The following RALGDS variants were observed in gnomAD, a reference collection of about 807,000 sequenced individuals.
RALGDS encodes the protein ral guanine nucleotide exchange factor.
A neutral mutation model predicts 99.8 loss-of-function variants in RALGDS; 44 were observed. The observed-to-expected ratio is 0.44, with a 90% CI of 0.35 to 0.57. The LOEUF is 0.57. Among genes scored for constraint, RALGDS ranks in the 20% least tolerant of loss-of-function variants. The probability of loss-of-function intolerance (pLI) is 0.01; values close to 1 mark genes in which losing one functional copy is unlikely to be tolerated. For missense variants in RALGDS, 1,022 were observed against 1,203.1 expected, an observed-to-expected ratio of 0.85 and a Z score of 2.23; for synonymous variants, 529 against 505.0, an observed-to-expected ratio of 1.05 and a Z score of -0.64.
Position 133,101,932 on chromosome 9 carries a change from A to G in RALGDS, c.2211+6T>C. On this transcript the variant is annotated splice_donor_region_variant and intron_variant, in intron 15 of 17. Transcript: ENST00000372050. ...AAGGATATTGGGGAGAAGGGCAGGC[A>G]GTCACCTTCTTTTCCTGGCCATCAG... 2 of 1,551,020 alleles carry G rather than the reference A, an allele frequency of 1.3e-6. No homozygotes were observed. The highest frequency in any genetic ancestry group is 1.7e-6 in the Non-Finnish European group (2 of 1,147,020).
chr9:133,119,472 C>T (rs1831795998), intron 1 of RALGDS, among the ~76,000 whole-genome samples: 3 of 152,122 alleles, frequency 2.0e-5, no homozygotes, highest in African/African-American at 4.8e-5. Context: ...GGGCAAGGAG[C>T]GCCAGGGCCA....
intron 5 of RALGDS, 94 bp from the exon 6 acceptor site, chr9:133,108,500 C>A (rs1831183339): frequency 6.9e-7 from 1 of 1,444,340 alleles, no homozygotes; most frequent in Non-Finnish European, 9.4e-7. Flanking sequence ...GCCTCTCTCC[C>A]CGAACCCACA....
intron 4 of RALGDS, among the ~76,000 whole-genome samples, chr9:133,109,382 T>C (rs1440045924): frequency 6.6e-6 from 1 of 152,132 alleles, no homozygotes; most frequent in Non-Finnish European, 1.5e-5. Context: ...GATGAGGCTA[T>C]GGTGGGATGA....
chr9:133,100,735 G>A (rs929883032), intron 16 of RALGDS: 13 of 1,188,978 alleles, frequency 1.1e-5, no homozygotes, highest in Non-Finnish European at 1.4e-5. Flanking sequence ...ACAGTCCCTA[G>A]TCCAAGCCCT....
At chr9:133,125,022 C>T (rs890792175), upstream of RALGDS, among the ~76,000 whole-genome samples, 2 of 152,200 alleles carry the variant, frequency 1.3e-5, no homozygotes, top group African/African-American at 2.4e-5. Flanking sequence ...AACCCAGTTT[C>T]TTCAACAAAT....
At chr9:133,116,738 C>T (rs1000347967) in intron 1 of RALGDS, among the ~76,000 whole-genome samples, 4 of 152,270 alleles carry the variant, frequency 2.6e-5, no homozygotes, top group East Asian at 1.9e-4. Flanking sequence ...ATCCTCCTAA[C>T]GCCCTGCCTG....
chr9:133,146,482 G>A (rs541935571), intron 1 of RALGDS, among the ~76,000 whole-genome samples: 95 of 152,228 alleles, frequency 6.2e-4, no homozygotes, highest in African/African-American at 9.9e-4. Context: ...GTGAGCCACC[G>A]CGCCCAGCCT....
chr9:133,139,951 C>T (rs1832491786), intron 1 of RALGDS, among the ~76,000 whole-genome samples: 3 of 152,194 alleles, frequency 2.0e-5, no homozygotes, highest in Admixed American at 6.5e-5. Flanking sequence ...GGCTCCCATC[C>T]CACCTCCCAG....
Position 133,110,365 on chromosome 9 carries a change from A to ACGTAGGAGAGGT in RALGDS, c.407_418dup (p.Asp136_Tyr139dup). Reference sequence around the variant, plus strand: ...TCTATAGGTACACAGGAAGATGGTGACGTAGGAGAGGTCGCTGCCCTGGAA... The same window carrying ACGTAGGAGAGGT: ...TCTATAGGTACACAGGAAGATGGTGACGTAGGAGAGGTCGTAGGAGAGGTCGCTGCCCTGGAA... On this transcript the variant is annotated inframe_insertion, in exon 3 of 18. Coordinates refer to ENST00000372050, the MANE Select transcript of RALGDS (RefSeq NM_006266.4). 1 of 1,613,818 alleles carries ACGTAGGAGAGGT rather than the reference A, an allele frequency of 6.2e-7. No homozygotes were observed. The highest frequency in any genetic ancestry group is 8.5e-7 in the Non-Finnish European group (1 of 1,179,972).
intron 9 of RALGDS, among the ~76,000 whole-genome samples, chr9:133,105,687 T>G (rs1830983022): frequency 6.6e-6 from 1 of 152,140 alleles, no homozygotes; most frequent in African/African-American, 2.4e-5. Flanking sequence ...GAACCTCCAC[T>G]GCTACCCTTA....
intron 1 of RALGDS, 30 bp from the exon 2 acceptor site, chr9:133,112,182 C>A (rs552607053): frequency 1.7e-5 from 26 of 1,489,352 alleles, no homozygotes; most frequent in Non-Finnish European, 2.3e-5. Context: ...CAGCCGGGCG[C>A]GGGGACGTCA....
intron 1 of RALGDS, among the ~76,000 whole-genome samples, chr9:133,127,134 G>A (rs797015014): frequency 5.3e-5 from 8 of 152,238 alleles, no homozygotes; most frequent in African/African-American, 1.4e-4. Flanking sequence ...ATCCTTGGCC[G>A]GTACCTGAGA....
rs1008384796 is a variant in RALGDS at position 133,098,023 on chromosome 9, G to A, written c.*564C>T. The A allele has an allele frequency of 5.9e-5, 15 of 254,842 alleles. No individual in the cohort carries two copies. Among genetic ancestry groups the A allele is most frequent in the African/African-American group, 2.6e-4 (12 of 45,702 alleles). The allele number at this position is 254,842 out of a possible 1,614,324, so 15.8% of individuals were successfully genotyped here. On this transcript the variant is annotated 3_prime_UTR_variant, in exon 18 of 18. Transcript: ENST00000372050. ...GGGTGCAGAGTCTGGTCCATGAAGA[G>A]GGTTTCTCTCTCTGCTCCCAGGGGA...
At chr9:133,145,968 T>G (rs1156273426) in intron 1 of RALGDS, among the ~76,000 whole-genome samples, 1 of 152,178 alleles carries the variant, frequency 6.6e-6, no homozygotes, top group Non-Finnish European at 1.5e-5. Flanking sequence ...GGAAAGAAAC[T>G]TCTCACAGGG....
Position 133,106,935 on chromosome 9 carries a change from CGTG to C in RALGDS, c.1413+147_1413+149del. On this transcript the variant is annotated intron_variant, in intron 7 of 17. Transcript: ENST00000372050. ...ACCCAAGGAAAGAGTGTAAGGAAGA[CGTG>C]AGCATCCAGGCAGTGGGCTGGGAGA... 4 of 955,170 alleles carry C rather than the reference CGTG, an allele frequency of 4.2e-6. No individual in the cohort carries two copies. In the African/African-American group the frequency reaches 5.5e-5, roughly 13 times the overall value. The allele number at this position is 955,170 out of a possible 1,614,324, so 59.2% of individuals were successfully genotyped here. A position where few individuals can be genotyped will look rare whatever the true frequency, so the allele number is the denominator to read the frequency against.
upstream of RALGDS, among the ~76,000 whole-genome samples, chr9:133,124,826 C>T (rs1369755319): frequency 6.6e-6 from 1 of 152,234 alleles, no homozygotes; most frequent in East Asian, 1.9e-4. Flanking sequence ...CCTGGGACAG[C>T]GTGTGTCACC....
chr9:133,125,833 G>C (rs1231855764), upstream of RALGDS, among the ~76,000 whole-genome samples: 5 of 152,086 alleles, frequency 3.3e-5, no homozygotes, highest in Non-Finnish European at 7.4e-5. Flanking sequence ...TCTGACCCCG[G>C]GCAGTGACTC....
chr9:133,131,018 G>A (rs1227486225), exon 1 of RALGDS: 2 of 1,534,948 alleles, frequency 1.3e-6, no homozygotes, highest in African/African-American at 1.4e-5. Flanking sequence ...AGGGCAGGGA[G>A]CAGAACAGCA....
At chr9:133,105,630 G>A (rs1044035436) in intron 9 of RALGDS, among the ~76,000 whole-genome samples, 10 of 152,094 alleles carry the variant, frequency 6.6e-5, no homozygotes, top group African/African-American at 1.2e-4. Flanking sequence ...AGGGACCGGC[G>A]AGGAAGCCAG....
Sources: allele counts gnomAD v4.1 joint callset (sites outside exome capture counted in the v4.1 genomes callset), GRCh38; gene constraint gnomAD v4.1.1; transcripts MANE v1.5; gene names NCBI Gene and HGNC (gene_info 2026-07-23, HGNC 2026-07-21).